KNTC1: variants seen among roughly 807,000 people sequenced by gnomAD.
KNTC1 encodes kinetochore associated 1, also known as kinetochore-associated protein 1.
In KNTC1, 253 loss-of-function variants were observed where a neutral mutation model predicts 314.4. That is an observed-to-expected ratio of 0.80 (90% CI 0.73 to 0.89). The LOEUF is 0.89. Among genes scored for constraint, KNTC1 ranks in the 40% least tolerant of loss-of-function variants. KNTC1 has a pLI of 0.00. For missense variants in KNTC1, 2,475 were observed against 2,572.9 expected, an observed-to-expected ratio of 0.96 and a Z score of 0.82; for synonymous variants, 901 against 901.4, an observed-to-expected ratio of 1.00 and a Z score of 0.01.
At chr12:122,617,925 A>T (rs1873942619) in intron 57 of KNTC1, among the ~76,000 whole-genome samples, 1 of 152,258 alleles carries the variant, frequency 6.6e-6, no homozygotes, top group African/African-American at 2.4e-5. Context: ...ACAATCAAGT[A>T]GTTTCTGCTA....
chr12:122,615,723 G>T (rs1340121533), intron 57 of KNTC1, among the ~76,000 whole-genome samples, 197 bp downstream of exon 57: 1 of 152,106 alleles, frequency 6.6e-6, no homozygotes, highest in Non-Finnish European at 1.5e-5. Flanking sequence ...GGAGTTTGAG[G>T]CTGCAGTGAG....
Position 122,580,636 on chromosome 12 carries a change from T to A in KNTC1, c.2948T>A (p.Met983Lys), listed in dbSNP as rs370526642. 6.3e-7 allele frequency: 1 copy of A among 1,574,902 alleles called. No homozygotes were observed. The highest frequency in any genetic ancestry group is 2.3e-5 in the East Asian group (1 of 43,644). The stretch of plus-strand genomic sequence containing the variant: ...CAGAAGAAGGACGAATGTGAAGAAA[T>A]GTTGAAACTATTTAAAGAGGTTGCT... ...NLQKKDECEE[M>K]LKLFKEVASL... is the part of the protein sequence containing the mutation. Residue 983 changes from methionine (M) to lysine (K), a missense_variant, in exon 33 of 64, where the codon ATG becomes AAG. Physicochemically the swap from Met to Lys is moderately conservative, Grantham distance 95. Transcript: ENST00000333479.
chr12:122,606,458 TC>T (rs1437966927), intron 51 of KNTC1, among the ~76,000 whole-genome samples: 1 of 152,092 alleles, frequency 6.6e-6, no homozygotes, highest in African/African-American at 2.4e-5. Context: ...CCTCAGGTGA[TC>T]CGCCCGCCTT....
intron 43 of KNTC1, among the ~76,000 whole-genome samples, chr12:122,594,789 G>A (rs897196347): frequency 6.6e-6 from 1 of 152,212 alleles, no homozygotes; most frequent in Non-Finnish European, 1.5e-5. Flanking sequence ...TAACTAGGGA[G>A]CAAAGTAATC....
intron 44 of KNTC1, 120 bp from the exon 45 acceptor site, chr12:122,601,411 ATTAAT>A (rs1382269345): frequency 2.3e-6 from 2 of 880,458 alleles, no homozygotes; most frequent in Non-Finnish European, 3.3e-6. Flanking sequence ...TAAGGGAGTA[ATTAAT>A]TTAACAATGT....
intron 63 of KNTC1, 73 bp downstream of exon 63, chr12:122,624,761 C>T (rs977110617): frequency 4.9e-6 from 5 of 1,015,422 alleles, no homozygotes; most frequent in African/African-American, 3.2e-5. Flanking sequence ...AATTGACAAG[C>T]CTTTTCTAGT....
At chr12:122,529,903 A>T (rs377675658) in intron 1 of KNTC1, 88 bp from the exon 2 acceptor site, 15 of 625,398 alleles carry the variant, frequency 2.4e-5, no homozygotes, top group South Asian at 1.2e-4. Flanking sequence ...GAAGACTAAG[A>T]TGTCTGTATA....
At chr12:122,585,028 C>A in intron 36 of KNTC1, 38 bp downstream of exon 36, 3 of 1,187,788 alleles carry the variant, frequency 2.5e-6, no homozygotes, top group Non-Finnish European at 2.5e-6. Flanking sequence ...AAATCCTGGG[C>A]AACGCATTAT....
intron 7 of KNTC1, among the ~76,000 whole-genome samples, chr12:122,543,840 C>T (rs7968134): frequency 4.6e-5 from 7 of 151,868 alleles, no homozygotes; most frequent in Non-Finnish European, 7.4e-5. Context: ...ACCTGAGGTC[C>T]GGAGTTCGAG....
At chr12:122,584,538 T>A (rs554560871) in intron 35 of KNTC1, 88 bp downstream of exon 35, 1 of 912,642 alleles carries the variant, frequency 1.1e-6, no homozygotes, top group African/African-American at 1.7e-5. Flanking sequence ...CAATTGGACA[T>A]CACGGTAATC....
chr12:122,555,815 C>T (rs1963547406), intron 16 of KNTC1, among the ~76,000 whole-genome samples: 1 of 152,092 alleles, frequency 6.6e-6, no homozygotes, highest in African/African-American at 2.4e-5. Flanking sequence ...TGCTACTGCA[C>T]TCCAGCCTGG....
intron 5 of KNTC1, among the ~76,000 whole-genome samples, chr12:122,540,833 A>G (rs1962248790): frequency 6.6e-6 from 1 of 152,174 alleles, no homozygotes; most frequent in Non-Finnish European, 1.5e-5. Flanking sequence ...TTCTTTGTAA[A>G]TAAGTTTTAT....
intron 45 of KNTC1, 38 bp downstream of exon 45, chr12:122,601,663 C>A: frequency 1.4e-6 from 2 of 1,434,638 alleles, no homozygotes; most frequent in South Asian, 1.5e-5. Flanking sequence ...AATCATCTTT[C>A]TGCTTTTATT....
chr12:122,604,862 G>T lies in KNTC1; in HGVS notation c.5176-15G>T. The T allele has an allele frequency of 6.3e-7, 1 of 1,583,768 alleles. No homozygotes were observed. Among genetic ancestry groups the T allele is most frequent in the Non-Finnish European group, 8.6e-7 (1 of 1,164,478 alleles). On this transcript the variant is annotated splice_polypyrimidine_tract_variant and intron_variant, in intron 49 of 63. Transcript: ENST00000333479. ...ACAAAGTAAGATTTTCTTTTTGCTT[G>T]GAATTGTTTAAAAGGACGAAAAACG...
chr12:122,600,788 C>T (rs1871770042), intron 44 of KNTC1, among the ~76,000 whole-genome samples: 1 of 152,044 alleles, frequency 6.6e-6, no homozygotes, highest in Non-Finnish European at 1.5e-5. Context: ...GCCTCCGCCT[C>T]CCAAGTAGCT....
chr12:122,541,372 A>C (rs1243611317), intron 5 of KNTC1, among the ~76,000 whole-genome samples: 2 of 122,666 alleles, frequency 1.6e-5, no homozygotes, highest in Non-Finnish European at 3.2e-5. Context: ...TCTGAGATGG[A>C]GTCTCACTCT....
At chr12:122,609,936 C>G (rs1243865675) in intron 52 of KNTC1, among the ~76,000 whole-genome samples, 1 of 152,208 alleles carries the variant, frequency 6.6e-6, no homozygotes. Context: ...ATTAATGATG[C>G]CTGGCACAGG....
chr12:122,571,864 G>T (rs1964709421), intron 24 of KNTC1, among the ~76,000 whole-genome samples: 1 of 151,788 alleles, frequency 6.6e-6, no homozygotes, highest in Admixed American at 6.6e-5. Context: ...GTAGAGACGG[G>T]ATTTCACCAT....
chr12:122,602,800 A>G (rs1315030881), intron 46 of KNTC1, 29 bp from the exon 47 acceptor site: 1 of 1,611,828 alleles, frequency 6.2e-7, no homozygotes, highest in Non-Finnish European at 8.5e-7. Context: ...TTTCTTAAGC[A>G]AATCGTACTT....
Sources: allele counts gnomAD v4.1 joint callset (sites outside exome capture counted in the v4.1 genomes callset), GRCh38; gene constraint gnomAD v4.1.1; transcripts MANE v1.5; gene names NCBI Gene and HGNC (gene_info 2026-07-23, HGNC 2026-07-21).